Variants in LCT observed in about 807,000 individuals in gnomAD.
LCT encodes lactase/phlorizin hydrolase.
A neutral mutation model predicts 173.0 loss-of-function variants in LCT; 90 were observed. The observed-to-expected ratio is 0.52, with a 90% CI of 0.44 to 0.62. The LOEUF is 0.62. Among genes scored for constraint, LCT ranks in the 20% least tolerant of loss-of-function variants. The probability of loss-of-function intolerance (pLI) is 0.00; values close to 1 mark genes in which losing one functional copy is unlikely to be tolerated. For synonymous variants in LCT, 853 were observed against 957.6 expected (o/e 0.89, Z 2.02); for missense variants, 1,864 against 2,431.4 (o/e 0.77, Z 4.91).
chr2:135,814,583 C>T (rs1057189447), intron 6 of LCT, among the ~76,000 whole-genome samples: 1 of 150,758 alleles, frequency 6.6e-6, no homozygotes, highest in Non-Finnish European at 1.5e-5. Context: ...GTGGCGCAAT[C>T]TCGGCTCACC....
intron 13 of LCT, 77 bp from the exon 14 acceptor site, chr2:135,794,852 C>T: frequency 2.6e-6 from 4 of 1,560,738 alleles, no homozygotes; most frequent in South Asian, 1.1e-5. Flanking sequence ...AGGGCTGGGG[C>T]GGGGGAGCTC....
chr2:135,793,971 CAAA>C (rs34100426), intron 14 of LCT, among the ~76,000 whole-genome samples: 21 of 124,190 alleles, frequency 1.7e-4, no homozygotes, highest in East Asian at 4.6e-4. Context: ...TGCTAAAATA[CAAA>C]AAAAAAAAAA....
At chr2:135,804,539 G>A (rs1440469940) in intron 10 of LCT, among the ~76,000 whole-genome samples, 1 of 152,152 alleles carries the variant, frequency 6.6e-6, no homozygotes, top group East Asian at 1.9e-4. Flanking sequence ...AAAATTAGCT[G>A]GGCATGGTGA....
Position 135,807,297 on chromosome 2 carries a change from T to C in LCT, c.4004A>G (p.Tyr1335Cys), listed in dbSNP as rs2077684755. Residue 1335 changes from tyrosine to cysteine, a missense_variant, in exon 9 of 17, where the codon TAC (tyrosine) becomes TGC (cysteine). This residue lies in a region of LCT where 514 missense variants were observed against 750.1 expected (regional missense o/e 0.69). Transcript: ENST00000264162. ...LNGYTVKFGLYHVDFNNTNRP... is the reference protein window; with the variant it reads ...LNGYTVKFGLCHVDFNNTNRP... ...GTTCGTGTTGTTGAAATCAACATGG[T>C]ACAGTCCAAACTTGACCGTGTAGCC... 2 of 1,614,184 alleles carry C rather than the reference T, an allele frequency of 1.2e-6. No homozygotes were observed. Among genetic ancestry groups the C allele is most frequent in the Non-Finnish European group, 1.7e-6 (2 of 1,180,006 alleles).
In LCT at chr2:135,812,349, A is replaced by G; in HGVS notation, c.2315T>C (p.Val772Ala). ...ATTGATATATTGATTGAAGTAGTCT[A>G]CTCTTAAGGAATCATCAAAGAGATT... is the stretch of plus-strand genomic sequence containing the variant. ...SENLFDDSLR[V>A]DYFNQYINEV... is the part of the protein sequence containing the mutation. Residue 772 changes from valine to alanine, a missense_variant, in exon 7 of 17, where the codon GTA becomes GCA. Coordinates refer to ENST00000264162, the MANE Select transcript of LCT (RefSeq NM_002299.4). 1.2e-6 allele frequency: 2 copies of G among 1,613,632 alleles called. No individual in the cohort carries two copies. Among genetic ancestry groups the G allele is most frequent in the South Asian group, 1.1e-5 (1 of 91,052 alleles).
chr2:135,792,804 C>T (rs1404722498), intron 14 of LCT, among the ~76,000 whole-genome samples: 4 of 152,184 alleles, frequency 2.6e-5, no homozygotes, highest in Non-Finnish European at 5.9e-5. Context: ...TCTTTCTCTA[C>T]CTTTGCTGGT....
chr2:135,789,461 G>T, intron 16 of LCT, 110 bp downstream of exon 16: 1 of 767,258 alleles, frequency 1.3e-6, no homozygotes, highest in Non-Finnish European at 2.3e-6. Flanking sequence ...GAATGAAGGA[G>T]ATGGGGCAGC....
chr2:135,804,646 A>G lies in LCT; in HGVS notation c.4464+121T>C. The G allele has an allele frequency of 5.0e-6, 5 of 1,006,398 alleles. No homozygotes were observed. In the South Asian group the frequency reaches 7.2e-5, roughly 15 times the overall value. The allele number at this position is 1,006,398 out of a possible 1,614,324, so 62.3% of individuals were successfully genotyped here. A position where few individuals can be genotyped will look rare whatever the true frequency, so the allele number is the denominator to read the frequency against. ...CAGAGCGAGACTACGTCTCAAAAACAACAATAACAACAAAAGCTAAATTTG... is the reference window on the plus strand; with the variant it reads ...CAGAGCGAGACTACGTCTCAAAAACGACAATAACAACAAAAGCTAAATTTG... On this transcript the variant is annotated intron_variant, in intron 10 of 16. Transcript: ENST00000264162.
rs1019710554 is a variant in LCT at position 135,833,463 on chromosome 2, T to C, written c.641-273A>G. Among the ~76,000 whole-genome samples, 5 of 146,776 alleles carry C rather than the reference T, an allele frequency of 3.4e-5. No individual in the cohort carries two copies. The East Asian group carries it at 1.0e-3, about 29-fold the overall frequency. On this transcript the variant is annotated intron_variant, in intron 1 of 16. Transcript: ENST00000264162. ...CTTCTTTTTTTTTTTTTTTTTTTTT[T>C]TGAGACGGAGTCTCGCTCCGTCGCC...
rs1412503236 is a variant in LCT at position 135,790,679 on chromosome 2, A to T, written c.5314T>A (p.Tyr1772Asn). The change falls in exon 15 of 17, where the codon TAC (tyrosine) becomes AAC (asparagine). Residue 1772 changes from tyrosine to asparagine, a missense_variant. Transcript: ENST00000264162. The surrounding 1 kb of genome is among the most constrained non-coding windows in gnomAD (Gnocchi z 4.1). The part of the protein sequence containing the change: ...DTARIYYLRT[Y>N]INEALKAVQD... Reference sequence around the variant, plus strand: ...GTACCTTTGAGGGCCTCATTGATGTAAGTCCGAAGGTAGTAGATCCTTGCA... The same window carrying T: ...GTACCTTTGAGGGCCTCATTGATGTTAGTCCGAAGGTAGTAGATCCTTGCA... The T allele has an allele frequency of 6.2e-7, 1 of 1,611,758 alleles. No homozygotes were observed. Among genetic ancestry groups the T allele is most frequent in the Non-Finnish European group, 8.5e-7 (1 of 1,179,006 alleles).
In LCT at chr2:135,835,850, A is replaced by G. The variant is rs945533870; in HGVS notation, c.640+680T>C. Among the ~76,000 whole-genome samples, 4 of 151,024 alleles carry G rather than the reference A, an allele frequency of 2.6e-5. No homozygotes were observed. The East Asian group carries it at 5.8e-4, about 22-fold the overall frequency. On this transcript the variant is annotated intron_variant, in intron 1 of 16. Transcript: ENST00000264162. ...AGTATAGGGGAGCCGAGGGGGAAGGACAGGAAACCACGAAACTTTGCCTCC... is the reference window on the plus strand; with the variant it reads ...AGTATAGGGGAGCCGAGGGGGAAGGGCAGGAAACCACGAAACTTTGCCTCC...
Position 135,807,198 on chromosome 2 carries a change from C to T in LCT, c.4103G>A (p.Arg1368Lys). 6.2e-7 allele frequency: 1 copy of T among 1,614,234 alleles called. No individual in the cohort carries two copies. The highest frequency in any genetic ancestry group is 8.5e-7 in the Non-Finnish European group (1 of 1,180,038). ...VITNNGMPLAREDEFLYGRFP... is the reference protein window; with the variant it reads ...VITNNGMPLAKEDEFLYGRFP... Reference sequence around the variant, plus strand: ...CCGTCCGTACAGAAACTCATCCTCCCTGGCCAGTGGCATGCCGTTGTTGGT... The same window carrying T: ...CCGTCCGTACAGAAACTCATCCTCCTTGGCCAGTGGCATGCCGTTGTTGGT... The change falls in exon 9 of 17, where the codon AGG becomes AAG. Residue 1368 changes from arginine to lysine, a missense_variant. Around this residue, in one of 4 missense-constraint regions of LCT, gnomAD observed 514 missense variants for 750.1 expected, o/e 0.69. Transcript: ENST00000264162.
chr2:135,799,203 A>C (rs1051945793), intron 12 of LCT, among the ~76,000 whole-genome samples: 7 of 152,172 alleles, frequency 4.6e-5, no homozygotes, highest in African/African-American at 1.7e-4. Flanking sequence ...TCTCTTGTGA[A>C]GAGTTTGGCA....
At chr2:135,832,073 G>A (rs571136367) in intron 2 of LCT, among the ~76,000 whole-genome samples, 8 of 152,004 alleles carry the variant, frequency 5.3e-5, no homozygotes, top group South Asian at 2.1e-4. Context: ...AAAATTAGCC[G>A]GGCGTGGTGG....
intron 2 of LCT, among the ~76,000 whole-genome samples, chr2:135,832,747 G>A (rs2077950330): frequency 1.3e-5 from 2 of 152,042 alleles, no homozygotes; most frequent in Admixed American, 1.3e-4. Context: ...GCCTCCCAAA[G>A]TGCTGGGATT....
rs2077796330 is a variant in LCT at position 135,818,052 on chromosome 2, A to G, written c.996T>C (p.Cys332=). Residue 332 remains cysteine, a synonymous_variant, in exon 6 of 17, where the codon TGT becomes TGC. Coordinates refer to ENST00000264162, the MANE Select transcript of LCT (RefSeq NM_002299.4). ...CSSSSKKSMS[C]SLTGSLALQP... is the part of the protein sequence containing the mutation. The stretch of plus-strand genomic sequence containing the variant: ...GAAGGGCCAGGCTGCCAGTCAGAGA[A>G]CAAGACATGCTGCAGGATTGAAGGG... 1.2e-6 allele frequency: 2 copies of G among 1,613,350 alleles called. No homozygotes were observed. Among genetic ancestry groups the G allele is most frequent in the Non-Finnish European group, 1.7e-6 (2 of 1,180,040 alleles).
At position 135,837,146 on chromosome 2, in the gene LCT, G is replaced by A. The variant is rs2105563402; in HGVS notation, c.24C>T (p.Val8=). The A allele has an allele frequency of 6.2e-7, 1 of 1,613,652 alleles. No individual in the cohort carries two copies. Among genetic ancestry groups the A allele is most frequent in the Non-Finnish European group, 8.5e-7 (1 of 1,180,012 alleles). Residue 8 remains valine, a synonymous_variant, in exon 1 of 17, where the codon GTC becomes GTT. Coordinates refer to ENST00000264162, the MANE Select transcript of LCT (RefSeq NM_002299.4). ...ATGAAAAACTTAGCAGGGCAATAAA[G>A]ACTACATGCCAAGACAGCTCCATTT... MELSWHV[V]FIALLSFSCW... is the part of the protein sequence containing the mutation.
At chr2:135,829,724 GACTA>G (rs1293565283) in intron 2 of LCT, 48 bp from the exon 3 acceptor site, 9 of 1,231,466 alleles carry the variant, frequency 7.3e-6, no homozygotes, top group Non-Finnish European at 1.1e-5. Context: ...GCACTGTCAA[GACTA>G]ACAGCCTCTC....
At chr2:135,792,654 C>T (rs1291720616) in intron 14 of LCT, among the ~76,000 whole-genome samples, 2 of 152,164 alleles carry the variant, frequency 1.3e-5, no homozygotes, top group South Asian at 4.1e-4. Flanking sequence ...TATGACACAG[C>T]AGAGGAAGCC....
Sources: allele counts gnomAD v4.1 joint callset (sites outside exome capture counted in the v4.1 genomes callset), GRCh38; gene constraint gnomAD v4.1.1; regional missense constraint gnomAD v4.1.1; non-coding constraint Gnocchi (gnomAD v3.1); transcripts MANE v1.5; gene names NCBI Gene and HGNC (gene_info 2026-07-23, HGNC 2026-07-21).